Variants in RARB observed in about 807,000 individuals in gnomAD.
RARB encodes retinoic acid receptor beta.
Under a neutral mutation model 51.9 loss-of-function variants are expected in RARB, and 17 were observed. The observed-to-expected ratio is 0.33, with a 90% confidence interval of 0.22 to 0.49. RARB has a LOEUF of 0.49. RARB is among the 20% of genes least tolerant of loss of function. The pLI is 0.99. For missense variants in RARB, 369 were observed against 550.8 expected (o/e 0.67, Z 3.30); for synonymous variants, 215 against 195.4 (o/e 1.10, Z -0.84).
At chr3:25,542,624 T>C (rs1212666250) in intron 3 of RARB, among the ~76,000 whole-genome samples, 1 of 152,172 alleles carries the variant, frequency 6.6e-6, no homozygotes, top group East Asian at 1.9e-4. Flanking sequence ...AATACAAAAT[T>C]TTATGTAACG....
chr3:24,864,930 C>G lies in RARB; in HGVS notation c.-380+6178C>G, dbSNP rs1310064197. 2.0e-5 allele frequency among the ~76,000 whole-genome samples: 3 copies of G among 152,236 alleles called. No homozygotes were observed. In the East Asian group the frequency reaches 5.8e-4, roughly 29 times the overall value. ...TAATAACTTTCCAGGTAATGCTAGT[C>G]AAGGAACTGTACTTTGAAAAGACTC... On this transcript the variant is annotated intron_variant, in intron 2 of 11. Coordinates refer to the RARB transcript ENST00000383772.
chr3:25,519,341 C>T (rs1210516267), intron 3 of RARB, among the ~76,000 whole-genome samples: 1 of 152,078 alleles, frequency 6.6e-6, no homozygotes, highest in Non-Finnish European at 1.5e-5. Flanking sequence ...AAAAGCAGTT[C>T]GTTTTCCAAG....
intron 3 of RARB, among the ~76,000 whole-genome samples, chr3:25,129,300 T>C (rs1699908431): frequency 6.6e-6 from 1 of 152,076 alleles, no homozygotes; most frequent in African/African-American, 2.4e-5. Context: ...CAAAGGTAGA[T>C]TTTTATTTTT....
chr3:24,967,668 T>C (rs1219256497), intron 2 of RARB, among the ~76,000 whole-genome samples: 6 of 152,142 alleles, frequency 3.9e-5, no homozygotes, highest in Admixed American at 3.9e-4. Flanking sequence ...ACAGTTTGCT[T>C]TATAGCACTA....
intron 1 of RARB, among the ~76,000 whole-genome samples, chr3:25,459,562 G>A (rs901240622): frequency 6.6e-6 from 1 of 152,194 alleles, no homozygotes; most frequent in Admixed American, 6.5e-5. Flanking sequence ...TAGACACTAG[G>A]TAGGAAGAAG....
At chr3:24,865,981 T>G (rs1702841044) in intron 2 of RARB, among the ~76,000 whole-genome samples, 1 of 152,176 alleles carries the variant, frequency 6.6e-6, no homozygotes, top group African/African-American at 2.4e-5. Context: ...TCTTTCCCCC[T>G]AATTAAGCTA....
At chr3:25,573,001 G>T (rs1214441494) in intron 4 of RARB, among the ~76,000 whole-genome samples, 1 of 152,110 alleles carries the variant, frequency 6.6e-6, no homozygotes, top group African/African-American at 2.4e-5. Context: ...CACATGTGAG[G>T]CATTGCCACT....
intron 5 of RARB, among the ~76,000 whole-genome samples, chr3:25,334,211 A>G (rs891340806): frequency 2.6e-5 from 4 of 152,242 alleles, no homozygotes; most frequent in Admixed American, 6.5e-5. Context: ...TCATGCTGCT[A>G]TAAAGACACA....
rs181337484 is a variant in RARB, at chr3:24,916,004, C to T, written c.-380+57252C>T. 2.7e-3 allele frequency among the ~76,000 whole-genome samples: 408 copies of T among 152,190 alleles called. 3 individuals carry two copies. The highest frequency in any genetic ancestry group is 9.5e-3 in the African/African-American group (393 of 41,532). The stretch of plus-strand genomic sequence containing the variant: ...GCCTGAGTGGAGTGAGACAGCACTT[C>T]AGAAGTAGAAAGCAATCAAAAGCCT... On this transcript the variant is annotated intron_variant, in intron 2 of 11. Transcript: ENST00000383772.
chr3:25,144,726 C>A (rs1183347592), intron 4 of RARB, among the ~76,000 whole-genome samples: 2 of 152,206 alleles, frequency 1.3e-5, no homozygotes, highest in Non-Finnish European at 2.9e-5. Context: ...AATGGTCTCA[C>A]ATTTTCAATG....
intron 5 of RARB, among the ~76,000 whole-genome samples, chr3:25,400,715 G>T (rs1043295940): frequency 6.6e-6 from 1 of 152,048 alleles, no homozygotes; most frequent in African/African-American, 2.4e-5. Flanking sequence ...ATAGAATAAA[G>T]TTTCCTAGTT....
At chr3:24,893,009 CTG>C (rs754056384) in intron 2 of RARB, among the ~76,000 whole-genome samples, 4 of 152,186 alleles carry the variant, frequency 2.6e-5, no homozygotes, top group Non-Finnish European at 1.5e-5. Context: ...CAAGAGAATT[CTG>C]TGTGTTTCCT....
chr3:25,233,369 T>C (rs1457506489), intron 5 of RARB, among the ~76,000 whole-genome samples: 2 of 152,200 alleles, frequency 1.3e-5, no homozygotes, highest in South Asian at 2.1e-4. Context: ...TGATTTTTTT[T>C]TATGTGTTGA....
intron 2 of RARB, among the ~76,000 whole-genome samples, chr3:25,489,299 G>T (rs73046109): frequency 0.08 from 12,219 of 152,244 alleles, 591 homozygotes; most frequent in Middle Eastern, 0.17. Context: ...GGTGAAATTT[G>T]AGCCTATTTT....
At chr3:25,550,793 T>C (rs1699818739) in intron 3 of RARB, among the ~76,000 whole-genome samples, 1 of 152,160 alleles carries the variant, frequency 6.6e-6, no homozygotes, top group African/African-American at 2.4e-5. Flanking sequence ...TCTGTGTCCA[T>C]GTGTTCTCAT....
At chr3:25,102,841 C>T (rs780509508) in intron 3 of RARB, among the ~76,000 whole-genome samples, 15 of 152,060 alleles carry the variant, frequency 9.9e-5, no homozygotes, top group Admixed American at 2.0e-4. Context: ...CACCTGAGGT[C>T]GGGAGTTTGA....
chr3:24,962,858 CAATT>C (rs1269557411), intron 2 of RARB, among the ~76,000 whole-genome samples: 1 of 152,092 alleles, frequency 6.6e-6, no homozygotes, highest in African/African-American at 2.4e-5. Context: ...TGTGTTAACT[CAATT>C]AATCCTCTTA....
At chr3:25,196,143 C>T (rs1230535172) in intron 5 of RARB, among the ~76,000 whole-genome samples, 2 of 151,942 alleles carry the variant, frequency 1.3e-5, no homozygotes, top group African/African-American at 4.8e-5. Flanking sequence ...TGTATGTATA[C>T]ATGTGCCATG....
At chr3:24,938,858 G>A in intron 2 of RARB, among the ~76,000 whole-genome samples, 1 of 152,082 alleles carries the variant, frequency 6.6e-6, no homozygotes, top group East Asian at 1.9e-4. Flanking sequence ...TTAGCATAAT[G>A]TTTTCAAGGC....
Sources: allele counts gnomAD v4.1 joint callset (sites outside exome capture counted in the v4.1 genomes callset), GRCh38; gene constraint gnomAD v4.1.1; transcripts MANE v1.5; gene names NCBI Gene and HGNC (gene_info 2026-07-23, HGNC 2026-07-21).